Variants in UNK observed in about 807,000 individuals in gnomAD.
The protein encoded by UNK is RING finger protein unkempt homolog.
UNK carries 32 observed loss-of-function variants against 97.6 expected under a neutral mutation model. That is an observed-to-expected ratio of 0.33 (90% CI 0.25 to 0.44). The LOEUF is 0.44. Among genes scored for constraint, UNK ranks in the 20% least tolerant of loss-of-function variants. The pLI is 1.00. For synonymous variants in UNK, 441 were observed against 461.2 expected, an observed-to-expected ratio of 0.96 and a Z score of 0.56; for missense variants, 771 against 1,098.4, an observed-to-expected ratio of 0.70 and a Z score of 4.21.
rs2062099348 is a variant in UNK at position 75,824,406 on chromosome 17, C to T, written c.2422C>T (p.Leu808Phe). Reference sequence around the variant, plus strand: ...CTGCCAGCCTGGCCGGGCCCACACCCTCCAGTCGTGACCCTGCAGGCCTGG... The same window carrying T: ...CTGCCAGCCTGGCCGGGCCCACACCTTCCAGTCGTGACCCTGCAGGCCTGG... ...PICQPGRAHT[L>F]QS The change falls in exon 16 of 16, where the codon CTC becomes TTC. Residue 808 changes from leucine (L) to phenylalanine (F), a missense_variant. Physicochemically the swap from Leu to Phe is conservative, Grantham distance 22 (BLOSUM62 0). Transcript: ENST00000589666. The surrounding 1 kb of genome is among the most constrained non-coding windows in gnomAD (Gnocchi z 4.9). The T allele has an allele frequency of 1.9e-6, 3 of 1,542,730 alleles. No individual in the cohort carries two copies. In the Admixed American group the frequency reaches 5.6e-5, roughly 29 times the overall value.
At position 75,819,975 on chromosome 17, in the gene UNK, C is replaced by T. The variant is rs1198292338; in HGVS notation, c.1704C>T (p.Ser568=). 1 of 1,613,252 alleles carries T rather than the reference C, an allele frequency of 6.2e-7. No individual in the cohort carries two copies. The highest frequency in any genetic ancestry group is 1.7e-5 in the Admixed American group (1 of 59,982). The change falls in exon 13 of 16, where the codon AGC becomes AGT. Residue 568 remains serine (S), a synonymous_variant. Coordinates refer to ENST00000589666, the MANE Select transcript of UNK (RefSeq NM_001080419.3). The surrounding 1 kb of genome is among the most constrained non-coding windows in gnomAD (Gnocchi z 5.4). The part of the protein sequence containing the change: ...APVNIPGSLG[S]SASFHSASPS... The stretch of plus-strand genomic sequence containing the variant: ...TGAACATCCCCGGCTCCTTGGGCAG[C>T]TCTGCCTCCTTCCACTCAGCATCCC...
intron 1 of UNK, among the ~76,000 whole-genome samples, chr17:75,802,700 A>G (rs573645381): frequency 6.6e-6 from 1 of 152,340 alleles, no homozygotes; most frequent in East Asian, 1.9e-4. Context: ...TGTTGAGTTA[A>G]TTAAATTGTG....
At chr17:75,785,612 T>A (rs1293125200) in intron 1 of UNK, 1 of 152,332 alleles carries the variant, frequency 6.6e-6, no homozygotes, top group Non-Finnish European at 1.5e-5. Context: ...GTTCCAAGTA[T>A]GTCTGCAGGC....
chr17:75,817,206 G>T lies in UNK; in HGVS notation c.1105-120G>T. On this transcript the variant is annotated intron_variant, in intron 8 of 15. Coordinates refer to ENST00000589666, the MANE Select transcript of UNK (RefSeq NM_001080419.3). The surrounding 1 kb of genome is among the most constrained non-coding windows in gnomAD (Gnocchi z 5.8). ...GCTCCCCGAGTGGTCACTGCTGCTCGTTGGCAGATGAAAGTGGAACTGAGC... is the reference window on the plus strand; with the variant it reads ...GCTCCCCGAGTGGTCACTGCTGCTCTTTGGCAGATGAAAGTGGAACTGAGC... The T allele has an allele frequency of 1.7e-6, 2 of 1,205,262 alleles. No individual in the cohort carries two copies. Among genetic ancestry groups the T allele is most frequent in the Non-Finnish European group, 2.3e-6 (2 of 874,192 alleles). The allele number at this position is 1,205,262 out of a possible 1,614,324, so 74.7% of individuals were successfully genotyped here.
intron 1 of UNK, among the ~76,000 whole-genome samples, chr17:75,799,878 G>C (rs995387723): frequency 3.3e-5 from 5 of 152,156 alleles, no homozygotes; most frequent in Admixed American, 2.0e-4. Context: ...CCAGCACTTA[G>C]GGAGCAGAGG....
At chr17:75,811,915 A>T (rs1378151006) in intron 2 of UNK, among the ~76,000 whole-genome samples, 197 bp from the exon 3 acceptor site, 1 of 152,190 alleles carries the variant, frequency 6.6e-6, no homozygotes, top group Non-Finnish European at 1.5e-5. Context: ...TGAACCAGGG[A>T]GTCAGAGTTG....
chr17:75,812,985 C>T, intron 4 of UNK, 93 bp from the exon 5 acceptor site: 1 of 1,456,176 alleles, frequency 6.9e-7, no homozygotes, highest in Non-Finnish European at 9.1e-7. Flanking sequence ...AACTCCTTCC[C>T]AGTGGCTTCT....
rs2062018018 is a variant in UNK, at chr17:75,816,635, G to A, written c.962-135G>A. The A allele has an allele frequency of 9.8e-6, 11 of 1,118,218 alleles. No individual in the cohort carries two copies. The highest frequency in any genetic ancestry group is 3.1e-4 in the Middle Eastern group (1 of 3,224). 69.3% of individuals were successfully genotyped at this position (1,118,218 alleles called of 1,614,324 possible). A position where few individuals can be genotyped will look rare whatever the true frequency, so the allele number is the denominator to read the frequency against. ...CACACAGTAAATGCACAGACATGGT[G>A]TTACTAGAGATGTCGTAGGAACCTT... On this transcript the variant is annotated intron_variant, in intron 7 of 15. Transcript: ENST00000589666. This position sits in a 1 kb window ranked among gnomAD's most constrained non-coding sequence, Gnocchi z 4.0.
At chr17:75,823,637 C>T in intron 15 of UNK, 115 bp downstream of exon 15, 1 of 1,375,284 alleles carries the variant, frequency 7.3e-7, no homozygotes, top group Non-Finnish European at 9.6e-7. Context: ...AGCCTCTGCC[C>T]AGCACTGGGC....
Position 75,818,141 on chromosome 17 carries a change from A to G in UNK, c.1344A>G (p.Gln448=), listed in dbSNP as rs778036864. ...LKPHSLEPRS[Q]EQPLLQPKQD... is the part of the protein sequence containing the mutation. The stretch of plus-strand genomic sequence containing the variant: ...CCCACTCATTAGAGCCCAGGAGTCA[A>G]GAGCAGCCTCTGCTTCAGCCCAAAC... The change falls in exon 10 of 16, where the codon CAA becomes CAG. Residue 448 remains glutamine, a synonymous_variant. Transcript: ENST00000589666. This position sits in a 1 kb window ranked among gnomAD's most constrained non-coding sequence, Gnocchi z 5.1. 6.2e-7 allele frequency: 1 copy of G among 1,613,592 alleles called. No individual in the cohort carries two copies. Among genetic ancestry groups the G allele is most frequent in the Admixed American group, 1.7e-5 (1 of 60,014 alleles).
chr17:75,813,261 A>G (rs1247565339), intron 5 of UNK, 48 bp downstream of exon 5: 3 of 1,539,310 alleles, frequency 1.9e-6, no homozygotes, highest in Admixed American at 2.0e-5. Flanking sequence ...AGTGGCAGGG[A>G]AGGGGTCAGG....
intron 1 of UNK, among the ~76,000 whole-genome samples, chr17:75,794,783 A>G (rs1234617459): frequency 1.3e-5 from 2 of 152,188 alleles, no homozygotes; most frequent in South Asian, 4.1e-4. Context: ...TTTGTGTATC[A>G]GTTTCCTGAG....
At chr17:75,800,714 G>GCCA (rs1204369644) in intron 1 of UNK, among the ~76,000 whole-genome samples, 1 of 151,450 alleles carries the variant, frequency 6.6e-6, no homozygotes, top group Non-Finnish European at 1.5e-5. Context: ...TCCAGCCTGG[G>GCCA]TGACAGAGCG....
rs770635654 is a variant in UNK at position 75,785,002 on chromosome 17, C to T, written c.104+18C>T. 5.7e-6 allele frequency: 8 copies of T among 1,400,768 alleles called. No individual in the cohort carries two copies. Among genetic ancestry groups the T allele is most frequent in the East Asian group, 2.8e-5 (1 of 35,588 alleles). 86.8% of individuals were successfully genotyped at this position (1,400,768 alleles called of 1,614,324 possible). On this transcript the variant is annotated intron_variant, in intron 1 of 15. Coordinates refer to ENST00000589666, the MANE Select transcript of UNK (RefSeq NM_001080419.3). ...CACTACACGTACGTAGAGCCCCCCCCCCCCCGCCGCGCGCGCACGCCTGAC... is the reference window on the plus strand; with the variant it reads ...CACTACACGTACGTAGAGCCCCCCCTCCCCCGCCGCGCGCGCACGCCTGAC...
In UNK at chr17:75,816,775, C is replaced by T; in HGVS notation, c.967C>T (p.Pro323Ser). The T allele has an allele frequency of 6.2e-7, 1 of 1,601,992 alleles. No individual in the cohort carries two copies. Among genetic ancestry groups the T allele is most frequent in the Non-Finnish European group, 8.5e-7 (1 of 1,179,118 alleles). Residue 323 changes from proline (P) to serine (S), a missense_variant, in exon 8 of 16, where the codon CCC (proline) becomes TCC (serine). Pro to Ser is a moderately conservative substitution (Grantham distance 74). Around this residue, in one of 5 missense-constraint regions of UNK, gnomAD observed 246 missense variants for 440.7 expected, o/e 0.56. Transcript: ENST00000589666. The surrounding 1 kb of genome is among the most constrained non-coding windows in gnomAD (Gnocchi z 4.0). ...CCTGCCCCTGACTCTTGCAGAGCCA[C>T]CCCTGAGTGACGACCTGCAGCCTTC... ...FCAFAHVEQP[P>S]LSDDLQPSSA...
rs1283622774 is a variant in UNK, at chr17:75,817,567, T to C, written c.1305+41T>C. Reference sequence around the variant, plus strand: ...GGCAGCAGTGAGGTTAGCCTTCTCCTGCGTGGGGCAAGAGAATCTTGGAGG... The same window carrying C: ...GGCAGCAGTGAGGTTAGCCTTCTCCCGCGTGGGGCAAGAGAATCTTGGAGG... On this transcript the variant is annotated intron_variant, in intron 9 of 15. Coordinates refer to ENST00000589666, the MANE Select transcript of UNK (RefSeq NM_001080419.3). This position sits in a 1 kb window ranked among gnomAD's most constrained non-coding sequence, Gnocchi z 5.8. 4 of 1,540,570 alleles carry C rather than the reference T, an allele frequency of 2.6e-6. No individual in the cohort carries two copies. Among genetic ancestry groups the C allele is most frequent in the East Asian group, 4.7e-5 (2 of 42,946 alleles).
At chr17:75,791,089 A>G (rs956571903) in intron 1 of UNK, among the ~76,000 whole-genome samples, 1 of 152,206 alleles carries the variant, frequency 6.6e-6, no homozygotes, top group African/African-American at 2.4e-5. Context: ...CGGTTCTCAG[A>G]CTTCTTAATT....
chr17:75,810,235 C>A (rs1258343433), intron 2 of UNK, among the ~76,000 whole-genome samples: 1 of 152,230 alleles, frequency 6.6e-6, no homozygotes, highest in East Asian at 1.9e-4. Flanking sequence ...GGCTCCCTGG[C>A]CTTTTTTCAT....
chr17:75,822,368 T>C, intron 13 of UNK, 109 bp from the exon 14 acceptor site: 1 of 1,332,830 alleles, frequency 7.5e-7, no homozygotes, highest in Non-Finnish European at 1.0e-6. Flanking sequence ...GCTGGAGCCT[T>C]GCACACCCAT....
Sources: allele counts gnomAD v4.1 joint callset (sites outside exome capture counted in the v4.1 genomes callset), GRCh38; gene constraint gnomAD v4.1.1; regional missense constraint gnomAD v4.1.1; non-coding constraint Gnocchi (gnomAD v3.1); transcripts MANE v1.5; gene names NCBI Gene and HGNC (gene_info 2026-07-23, HGNC 2026-07-21).